The following ADGRD1 variants were observed in gnomAD, a reference collection of about 807,000 sequenced individuals.
ADGRD1 encodes G-protein coupled receptor 133.
In ADGRD1, 77 loss-of-function variants were observed where a neutral mutation model predicts 113.4. The observed-to-expected ratio is 0.68, with a 90% CI of 0.57 to 0.82. The LOEUF is 0.82. Ranked by LOEUF, ADGRD1 falls within the 40% of genes least tolerant of loss-of-function variation. The probability of loss-of-function intolerance (pLI) is 0.00; values close to 1 mark genes in which losing one functional copy is unlikely to be tolerated. For synonymous variants in ADGRD1, 474 were observed against 475.0 expected (o/e 1.00, Z 0.03); for missense variants, 1,036 against 1,139.1 (o/e 0.91, Z 1.30).
chr12:131,029,115 G>A (rs1191024132), intron 13 of ADGRD1, among the ~76,000 whole-genome samples: 2 of 152,152 alleles, frequency 1.3e-5, no homozygotes, highest in African/African-American at 4.8e-5. Context: ...TCTTTATGTT[G>A]TAACCACCTT....
chr12:130,954,537 G>A lies in ADGRD1; in HGVS notation c.66+6G>A. 6.2e-7 allele frequency: 1 copy of A among 1,612,248 alleles called. No individual in the cohort carries two copies. Among genetic ancestry groups the A allele is most frequent in the Non-Finnish European group, 8.5e-7 (1 of 1,178,996 alleles). ...TATTTTATTACAACTTTCAGGTAAT[G>A]TCCCCAAGTGGCCAGGATGGCGACA... On this transcript the variant is annotated splice_donor_region_variant and intron_variant, in intron 1 of 24. Transcript: ENST00000261654. This position sits in a 1 kb window ranked among gnomAD's most constrained non-coding sequence, Gnocchi z 4.7.
In ADGRD1 at chr12:130,966,719, C is replaced by T; in HGVS notation, c.187+173C>T. On this transcript the variant is annotated intron_variant, in intron 3 of 24. Transcript: ENST00000261654. The surrounding 1 kb of genome is among the most constrained non-coding windows in gnomAD (Gnocchi z 4.6). The stretch of plus-strand genomic sequence containing the variant: ...GGCCATCGGGGAGCAGATGTGGACA[C>T]AATCTGCTTTGAAGCCACGGTGATA... 1 of 599,668 alleles carries T rather than the reference C, an allele frequency of 1.7e-6. No homozygotes were observed. Among genetic ancestry groups the T allele is most frequent in the South Asian group, 2.0e-5 (1 of 50,928 alleles). The allele number at this position is 599,668 out of a possible 1,614,324, so 37.1% of individuals were successfully genotyped here.
At chr12:130,997,976 C>T (rs943820191) in intron 8 of ADGRD1, among the ~76,000 whole-genome samples, 16 of 152,112 alleles carry the variant, frequency 1.1e-4, no homozygotes, top group South Asian at 4.1e-4. Context: ...CTGAGGCTGG[C>T]GGATCACTCG....
intron 13 of ADGRD1, among the ~76,000 whole-genome samples, chr12:131,044,793 G>A (rs1351725970): frequency 1.3e-5 from 2 of 152,240 alleles, no homozygotes; most frequent in African/African-American, 4.8e-5. Flanking sequence ...AGCCGCAGCG[G>A]CGCTCTGGGA....
intron 17 of ADGRD1, among the ~76,000 whole-genome samples, chr12:131,108,270 A>G (rs528834327): frequency 6.6e-6 from 1 of 152,300 alleles, no homozygotes; most frequent in South Asian, 2.1e-4. Context: ...GTTCAGCCAC[A>G]TGGCAGGCGG....
chr12:131,086,993 A>T (rs1429026247), intron 15 of ADGRD1, among the ~76,000 whole-genome samples: 1 of 152,038 alleles, frequency 6.6e-6, no homozygotes, highest in Non-Finnish European at 1.5e-5. Flanking sequence ...ACAGCCTTGA[A>T]CTCCTGGGCT....
rs1886286441 is a variant in ADGRD1, at chr12:131,084,276, G to C, written c.1548-264G>C. Among the ~76,000 whole-genome samples, 1 of 152,100 alleles carries C rather than the reference G, an allele frequency of 6.6e-6. No homozygotes were observed. Among genetic ancestry groups the C allele is most frequent in the Admixed American group, 6.5e-5 (1 of 15,272 alleles). ...CTTTTCAGGGTGATTGTGCGAAGCA[G>C]CTCCCCCTTCCCTGTCCCAGAGGGA... On this transcript the variant is annotated intron_variant, in intron 14 of 24. Transcript: ENST00000261654. This position sits in a 1 kb window ranked among gnomAD's most constrained non-coding sequence, Gnocchi z 4.5.
At chr12:131,093,438 T>C (rs1725829) in intron 15 of ADGRD1, among the ~76,000 whole-genome samples, 15,354 of 152,236 alleles carry the variant, frequency 0.1, 969 homozygotes, top group African/African-American at 0.18. Flanking sequence ...CCCATGGTTC[T>C]AGGCCCCGTG....
intron 13 of ADGRD1, among the ~76,000 whole-genome samples, chr12:131,029,122 C>A (rs1473869208): frequency 3.3e-5 from 5 of 152,172 alleles, no homozygotes; most frequent in Admixed American, 1.3e-4. Flanking sequence ...GTTGTAACCA[C>A]CTTCTTTCCT....
At chr12:131,086,115 C>T (rs572058224) in intron 15 of ADGRD1, among the ~76,000 whole-genome samples, 1 of 152,252 alleles carries the variant, frequency 6.6e-6, no homozygotes, top group South Asian at 2.1e-4. Context: ...TCTGTGGTCA[C>T]ATTTATCAAG....
intron 13 of ADGRD1, among the ~76,000 whole-genome samples, chr12:131,025,018 C>T (rs1480261096): frequency 6.6e-6 from 1 of 152,190 alleles, no homozygotes; most frequent in Admixed American, 6.5e-5. Flanking sequence ...CCCTGTGGGG[C>T]TTGATGCCGT....
At chr12:131,105,202 T>C (rs999635129) in intron 16 of ADGRD1, among the ~76,000 whole-genome samples, 6 of 152,244 alleles carry the variant, frequency 3.9e-5, no homozygotes, top group East Asian at 1.9e-4. Context: ...CACAGGCGTG[T>C]GGTCGGCTTT....
At chr12:131,019,616 GA>G (rs59236876) in intron 13 of ADGRD1, among the ~76,000 whole-genome samples, 3,918 of 152,316 alleles carry the variant, frequency 0.026, 162 homozygotes, top group African/African-American at 0.088. Flanking sequence ...GTATTGCAAA[GA>G]GCCCAGTGCT....
intron 6 of ADGRD1, chr12:130,990,577 A>T (rs1593306742): frequency 6.3e-6 from 1 of 157,494 alleles, no homozygotes; most frequent in Non-Finnish European, 1.4e-5. Flanking sequence ...ACTGGGGCCT[A>T]TTCTCACTTC....
chr12:131,053,078 A>G (rs1030062948), intron 13 of ADGRD1, among the ~76,000 whole-genome samples: 1 of 152,230 alleles, frequency 6.6e-6, no homozygotes, highest in African/African-American at 2.4e-5. Flanking sequence ...CTTTCTGCAC[A>G]GGCCTGGGCC....
At chr12:130,997,526 G>A (rs1206690027) in intron 8 of ADGRD1, among the ~76,000 whole-genome samples, 1 of 151,950 alleles carries the variant, frequency 6.6e-6, no homozygotes, top group African/African-American at 2.4e-5. Flanking sequence ...CTCCCAGATG[G>A]GGTCACAGCC....
chr12:131,004,124 CT>C, intron 10 of ADGRD1, 61 bp from the exon 11 acceptor site: 3 of 1,045,408 alleles, frequency 2.9e-6, no homozygotes, highest in South Asian at 1.3e-5. Flanking sequence ...GTTTTGCAGT[CT>C]GATTTCCTGC....
chr12:131,032,981 A>G (rs1344594744), intron 13 of ADGRD1, among the ~76,000 whole-genome samples: 3 of 149,664 alleles, frequency 2.0e-5, no homozygotes, highest in Non-Finnish European at 4.5e-5. Context: ...ACCCCGTCAC[A>G]GAGGTGACGC....
At chr12:131,123,707 A>C (rs925818111) in intron 20 of ADGRD1, among the ~76,000 whole-genome samples, 2 of 151,938 alleles carry the variant, frequency 1.3e-5, no homozygotes, top group African/African-American at 2.4e-5. Context: ...CTGTAGTCCC[A>C]GCTACTCGGG....
Sources: allele counts gnomAD v4.1 joint callset (sites outside exome capture counted in the v4.1 genomes callset), GRCh38; gene constraint gnomAD v4.1.1; non-coding constraint Gnocchi (gnomAD v3.1); transcripts MANE v1.5; gene names NCBI Gene and HGNC (gene_info 2026-07-23, HGNC 2026-07-21).